The following RAD54B variants were observed in gnomAD, a reference collection of about 807,000 sequenced individuals.
RAD54B encodes DNA repair and recombination protein RAD54B.
In RAD54B, 78 loss-of-function variants were observed where a neutral mutation model predicts 95.8. The ratio of observed to expected loss-of-function variants is 0.81; its 90% confidence interval spans 0.68 to 0.98. RAD54B has a LOEUF of 0.98. RAD54B is among the 50% of genes least tolerant of loss of function. The pLI is 0.00. For missense variants in RAD54B, 957 were observed against 1,056.6 expected (o/e 0.91, Z 1.31); for synonymous variants, 328 against 354.9 (o/e 0.92, Z 0.85).
chr8:94,391,255 A>G (rs1389042114), intron 10 of RAD54B, among the ~76,000 whole-genome samples: 1 of 151,874 alleles, frequency 6.6e-6, no homozygotes, highest in African/African-American at 2.4e-5. Context: ...TTAATGGCAC[A>G]TTTTGTATTT....
At chr8:94,461,574 A>C (rs1812906296) in intron 2 of RAD54B, among the ~76,000 whole-genome samples, 3 of 152,162 alleles carry the variant, frequency 2.0e-5, no homozygotes, top group Non-Finnish European at 1.5e-5. Flanking sequence ...TATTAAAGTA[A>C]GTCAACTAAT....
chr8:94,464,384 A>C (rs1812977034), intron 2 of RAD54B, among the ~76,000 whole-genome samples: 1 of 152,204 alleles, frequency 6.6e-6, no homozygotes. Flanking sequence ...GCCAGGGAAC[A>C]GATTTCCCCT....
At position 94,458,307 on chromosome 8, in the gene RAD54B, C is replaced by T; in HGVS notation, c.265G>A (p.Glu89Lys). ...TCTAATGTTGCCAGTGTAGGTGCTTCAAAACAATATTTTCCACTGCAATTA... is the reference window on the plus strand; with the variant it reads ...TCTAATGTTGCCAGTGTAGGTGCTTTAAAACAATATTTTCCACTGCAATTA... ...RDNCSGKYCF[E>K]APTLATLDPP... Residue 89 changes from glutamate (E) to lysine (K), a missense_variant, in exon 3 of 15, where the codon GAA becomes AAA. Glu to Lys is a moderately conservative substitution (Grantham distance 56). Coordinates refer to ENST00000336148, the MANE Select transcript of RAD54B (RefSeq NM_012415.3). 1 of 1,609,296 alleles carries T rather than the reference C, an allele frequency of 6.2e-7. No individual in the cohort carries two copies. Among genetic ancestry groups the T allele is most frequent in the Non-Finnish European group, 8.5e-7 (1 of 1,178,418 alleles).
At chr8:94,460,825 G>A (rs528734236) in intron 2 of RAD54B, among the ~76,000 whole-genome samples, 19 of 151,994 alleles carry the variant, frequency 1.3e-4, no homozygotes, top group South Asian at 1.0e-3. Context: ...CATATTCAAA[G>A]TCAACTATGT....
chr8:94,453,302 G>A (rs1812708865), intron 3 of RAD54B, among the ~76,000 whole-genome samples: 1 of 152,160 alleles, frequency 6.6e-6, no homozygotes, highest in Non-Finnish European at 1.5e-5. Flanking sequence ...GCTGAGGTGG[G>A]CGGATCACTT....
intron 3 of RAD54B, among the ~76,000 whole-genome samples, chr8:94,442,718 G>A (rs1221309067): frequency 6.6e-6 from 1 of 151,978 alleles, no homozygotes; most frequent in Non-Finnish European, 1.5e-5. Context: ...CATAAAAAAT[G>A]TTTGAGGTGA....
At chr8:94,407,957 A>G (rs1811436354) in intron 4 of RAD54B, among the ~76,000 whole-genome samples, 1 of 152,212 alleles carries the variant, frequency 6.6e-6, no homozygotes, top group Admixed American at 6.5e-5. Context: ...TATTGAAAAT[A>G]TAGATTATTG....
intron 2 of RAD54B, among the ~76,000 whole-genome samples, chr8:94,463,030 G>T (rs1313793697): frequency 6.6e-6 from 1 of 151,808 alleles, no homozygotes; most frequent in Non-Finnish European, 1.5e-5. Flanking sequence ...ACAAAAATTA[G>T]CTAGGCGTGG....
Position 94,391,815 on chromosome 8 carries a change from T to C in RAD54B, c.1603A>G (p.Ile535Val), listed in dbSNP as rs767385277. 3 of 1,613,996 alleles carry C rather than the reference T, an allele frequency of 1.9e-6. No individual in the cohort carries two copies. The highest frequency in any genetic ancestry group is 2.5e-6 in the Non-Finnish European group (3 of 1,179,938). ...LFILRRTQEI[I>V]NKYLPPKIEN... ...ATTTTAGGTGGGAGATATTTATTTA[T>C]AATTTCTTGGGTTCTTCTAAGGATA... is the stretch of plus-strand genomic sequence containing the variant. Residue 535 changes from isoleucine to valine, a missense_variant, in exon 10 of 15, where the codon ATA becomes GTA. Physicochemically the swap from Ile to Val is conservative, Grantham distance 29. Transcript: ENST00000336148.
intron 3 of RAD54B, chr8:94,429,709 A>AC: frequency 1.0e-6 from 1 of 983,704 alleles, no homozygotes. Flanking sequence ...AGAAAAGGTA[A>AC]CATTGTCAAA....
At chr8:94,444,613 T>C (rs1214179372) in intron 3 of RAD54B, among the ~76,000 whole-genome samples, 1 of 152,180 alleles carries the variant, frequency 6.6e-6, no homozygotes, top group Non-Finnish European at 1.5e-5. Context: ...TGACCAACTC[T>C]AGCAAAGCTT....
At chr8:94,467,798 T>C (rs1416357133) in intron 1 of RAD54B, 6 of 307,312 alleles carry the variant, frequency 2.0e-5, no homozygotes, top group African/African-American at 1.3e-4. Context: ...CTTAAAATAA[T>C]GGTGAGGGAA....
chr8:94,429,257 TTGTAG>T (rs1464603508), intron 3 of RAD54B: 2 of 507,288 alleles, frequency 3.9e-6, no homozygotes, highest in Non-Finnish European at 5.1e-6. Flanking sequence ...AAAAATATGA[TTGTAG>T]CAGACTATGT....
In RAD54B at chr8:94,404,074, T is replaced by C. The variant is rs1166569512; in HGVS notation, c.944+3A>G. 6.3e-7 allele frequency: 1 copy of C among 1,579,174 alleles called. No homozygotes were observed. Among genetic ancestry groups the C allele is most frequent in the South Asian group, 1.2e-5 (1 of 85,556 alleles). ...AGATTAAACAAATGATTTATTTTCC[T>C]ACCTCATTCCCATTACACATTCATA... On this transcript the variant is annotated splice_donor_region_variant and intron_variant, in intron 6 of 14. Coordinates refer to ENST00000336148, the MANE Select transcript of RAD54B (RefSeq NM_012415.3).
At chr8:94,430,768 T>C (rs1357608645) in intron 3 of RAD54B, 11 of 984,292 alleles carry the variant, frequency 1.1e-5, no homozygotes, top group Non-Finnish European at 1.3e-5. Context: ...CATTAAAAAA[T>C]GCAGATTTCT....
intron 3 of RAD54B, among the ~76,000 whole-genome samples, chr8:94,436,128 C>A (rs80352287): frequency 4.7e-4 from 72 of 152,006 alleles, no homozygotes; most frequent in African/African-American, 1.6e-3. Flanking sequence ...ATTGAAAATT[C>A]CAGTGAAATG....
intron 3 of RAD54B, among the ~76,000 whole-genome samples, chr8:94,444,276 T>C (rs1270207754): frequency 1.3e-5 from 2 of 152,080 alleles, no homozygotes; most frequent in Non-Finnish European, 2.9e-5. Flanking sequence ...ATGGCAGTCA[T>C]TTTGGAAGGC....
intron 3 of RAD54B, among the ~76,000 whole-genome samples, chr8:94,412,001 G>T (rs958267805): frequency 1.3e-5 from 2 of 151,946 alleles, no homozygotes; most frequent in Non-Finnish European, 1.5e-5. Context: ...TGAAATTTCG[G>T]ATCCTTTGAC....
chr8:94,416,085 T>G (rs1179724942), intron 3 of RAD54B, among the ~76,000 whole-genome samples: 3 of 150,846 alleles, frequency 2.0e-5, no homozygotes, highest in African/African-American at 7.3e-5. Context: ...ATTGCGGCAC[T>G]ATTCACAATA....
Sources: allele counts gnomAD v4.1 joint callset (sites outside exome capture counted in the v4.1 genomes callset), GRCh38; gene constraint gnomAD v4.1.1; transcripts MANE v1.5; gene names NCBI Gene and HGNC (gene_info 2026-07-23, HGNC 2026-07-21).